BFSP2: variants seen among roughly 807,000 people sequenced by gnomAD.
BFSP2 encodes the protein beaded filament structural protein 2.
BFSP2 carries 38 observed loss-of-function variants against 44.9 expected under a neutral mutation model. That is an observed-to-expected ratio of 0.85 (90% confidence interval 0.65 to 1.11). The LOEUF (loss-of-function observed/expected upper bound fraction) is 1.11, where lower values mean the gene tolerates loss of function less well. Ranked by LOEUF, BFSP2 falls within the 50% of genes least tolerant of loss-of-function variation. The pLI is 0.00. For synonymous variants in BFSP2, 197 were observed against 209.9 expected, an observed-to-expected ratio of 0.94 and a Z score of 0.53; for missense variants, 525 against 533.0, an observed-to-expected ratio of 0.99 and a Z score of 0.15.
intron 4 of BFSP2, among the ~76,000 whole-genome samples, chr3:133,451,893 A>G (rs2107927939): frequency 6.6e-6 from 1 of 152,330 alleles, no homozygotes; most frequent in African/African-American, 2.4e-5. Context: ...CTGACTTTGT[A>G]ATCTTGAGAC....
At chr3:133,402,835 G>T (rs2073373447) in intron 1 of BFSP2, among the ~76,000 whole-genome samples, 1 of 151,792 alleles carries the variant, frequency 6.6e-6, no homozygotes, top group Non-Finnish European at 1.5e-5. Flanking sequence ...TGGAGATGGG[G>T]TTTCACCATG....
At chr3:133,437,623 AAG>A (rs1270963623) in intron 1 of BFSP2, among the ~76,000 whole-genome samples, 1 of 147,562 alleles carries the variant, frequency 6.8e-6, no homozygotes, top group Non-Finnish European at 1.5e-5. Flanking sequence ...AGAAAGAAGA[AAG>A]AGAAAAAGAA....
chr3:133,468,691 G>A (rs1437703642), intron 5 of BFSP2, among the ~76,000 whole-genome samples: 1 of 152,108 alleles, frequency 6.6e-6, no homozygotes, highest in East Asian at 1.9e-4. Context: ...GAAAGTCTCT[G>A]GACATCACTT....
chr3:133,440,694 G>T (rs1296526481), intron 1 of BFSP2, among the ~76,000 whole-genome samples: 1 of 152,156 alleles, frequency 6.6e-6, no homozygotes, highest in Non-Finnish European at 1.5e-5. Flanking sequence ...TTTGTCCTCA[G>T]CATGACAGAC....
At chr3:133,440,743 C>A (rs533296305) in intron 1 of BFSP2, among the ~76,000 whole-genome samples, 1 of 152,266 alleles carries the variant, frequency 6.6e-6, no homozygotes, top group Admixed American at 6.5e-5. Flanking sequence ...CCAACAATGG[C>A]AAATAAACCC....
intron 1 of BFSP2, among the ~76,000 whole-genome samples, chr3:133,414,572 TCTC>T (rs1236098206): frequency 1.2e-5 from 1 of 84,588 alleles, no homozygotes; most frequent in African/African-American, 4.9e-5. Flanking sequence ...CCCTCTCCCC[TCTC>T]CTCTCTACTC....
intron 1 of BFSP2, among the ~76,000 whole-genome samples, chr3:133,407,184 C>A (rs1406265790): frequency 6.6e-6 from 1 of 152,100 alleles, no homozygotes; most frequent in East Asian, 1.9e-4. Flanking sequence ...GAGTTCAAGA[C>A]CAGCCTGGGC....
rs575343299 is a variant in BFSP2 at position 133,441,317 on chromosome 3, G to A, written c.490-6000G>A. Among the ~76,000 whole-genome samples the A allele has an allele frequency of 6.6e-5, 10 of 152,158 alleles. No individual in the cohort carries two copies. In the South Asian group the frequency reaches 1.9e-3, roughly 28 times the overall value. ...TCCCAAAGTGCTAGGATTATACTTC[G>A]TAATCCCCTGAGCCACTGGTGTGAG... On this transcript the variant is annotated intron_variant, in intron 1 of 6. Transcript: ENST00000302334.
At chr3:133,430,480 T>A (rs1403782168) in intron 1 of BFSP2, among the ~76,000 whole-genome samples, 1 of 152,188 alleles carries the variant, frequency 6.6e-6, no homozygotes, top group Non-Finnish European at 1.5e-5. Flanking sequence ...TCATTGTGGT[T>A]TTGATTTGCA....
chr3:133,470,275 G>T (rs1241899607), intron 5 of BFSP2, among the ~76,000 whole-genome samples: 2 of 152,202 alleles, frequency 1.3e-5, no homozygotes, highest in African/African-American at 4.8e-5. Context: ...TTTAAATAAG[G>T]TAATATGGTG....
intron 1 of BFSP2, among the ~76,000 whole-genome samples, chr3:133,442,666 A>AT (rs1302062419): frequency 6.6e-6 from 1 of 152,100 alleles, no homozygotes; most frequent in Non-Finnish European, 1.5e-5. Context: ...GTAGAGAGAA[A>AT]TAAATGGATT....
chr3:133,434,814 C>A (rs2073764859), intron 1 of BFSP2, among the ~76,000 whole-genome samples: 1 of 152,168 alleles, frequency 6.6e-6, no homozygotes, highest in South Asian at 2.1e-4. Context: ...AACAAACCCC[C>A]TTTGACTGTA....
intron 4 of BFSP2, among the ~76,000 whole-genome samples, chr3:133,458,662 C>T (rs552385863): frequency 1.3e-5 from 2 of 152,290 alleles, no homozygotes; most frequent in African/African-American, 4.8e-5. Context: ...CTCCACTGCA[C>T]TCCAGCCTGG....
chr3:133,448,560 A>C lies in BFSP2; in HGVS notation c.644A>C (p.Glu215Ala), dbSNP rs557265408. The C allele has an allele frequency of 6.2e-7, 1 of 1,614,142 alleles. No individual in the cohort carries two copies. Among genetic ancestry groups the C allele is most frequent in the South Asian group, 1.1e-5 (1 of 91,076 alleles). Reference sequence around the variant, plus strand: ...AACTCTCTGTATAAAGTCATTGATGAGGCTAATTTGACTAAAATGGACCTG... The same window carrying C: ...AACTCTCTGTATAAAGTCATTGATGCGGCTAATTTGACTAAAATGGACCTG... ...EINSLYKVID[E>A]ANLTKMDLES... The change falls in exon 3 of 7, where the codon GAG becomes GCG. Residue 215 changes from glutamate to alanine, a missense_variant. Glu to Ala is a moderately radical substitution (Grantham distance 107). Transcript: ENST00000302334.
chr3:133,470,909 G>A (rs1225666245), intron 5 of BFSP2, among the ~76,000 whole-genome samples: 1 of 152,216 alleles, frequency 6.6e-6, no homozygotes, highest in African/African-American at 2.4e-5. Context: ...TTCAAGGAAG[G>A]CTTCCTGGGG....
At chr3:133,446,904 C>T (rs530807621) in intron 1 of BFSP2, among the ~76,000 whole-genome samples, 1 of 151,820 alleles carries the variant, frequency 6.6e-6, no homozygotes, top group Non-Finnish European at 1.5e-5. Flanking sequence ...GCTCTCTCAG[C>T]ACTCATCTAG....
chr3:133,410,555 A>T (rs1391261779), intron 1 of BFSP2: 1 of 278,928 alleles, frequency 3.6e-6, no homozygotes, highest in Non-Finnish European at 7.5e-6. Context: ...ACCCTAATGC[A>T]AACGGGGATT....
At chr3:133,437,763 A>G (rs989138338) in intron 1 of BFSP2, among the ~76,000 whole-genome samples, 22 of 152,222 alleles carry the variant, frequency 1.4e-4, no homozygotes, top group African/African-American at 4.8e-4. Flanking sequence ...TGGGTTTTAC[A>G]GGCCTGCCCT....
intron 1 of BFSP2, among the ~76,000 whole-genome samples, chr3:133,425,660 A>G (rs2107898316): frequency 6.6e-6 from 1 of 151,976 alleles, no homozygotes; most frequent in African/African-American, 2.4e-5. Context: ...AGCACCTAGC[A>G]AGGATGCTGA....
Sources: gnomAD v4.1 joint callset for allele counts (sites outside exome capture counted in the v4.1 genomes callset) on GRCh38, gnomAD v4.1.1 for gene constraint, MANE v1.5 for transcripts, NCBI Gene and HGNC (gene_info 2026-07-23, HGNC 2026-07-21) for gene names.